The following GPC5 variants were observed in gnomAD, a reference collection of about 807,000 sequenced individuals.
GPC5 encodes the protein glypican 5.
GPC5 carries 47 observed loss-of-function variants against 53.9 expected under a neutral mutation model. The observed-to-expected ratio is 0.87, with a 90% confidence interval of 0.69 to 1.11. The LOEUF is 1.11. GPC5 is among the 50% of genes most tolerant of loss of function. The probability of loss-of-function intolerance (pLI) is 0.00; values close to 1 mark genes in which losing one functional copy is unlikely to be tolerated. For missense variants in GPC5, 748 were observed against 713.1 expected (o/e 1.05, Z -0.56); for synonymous variants, 286 against 263.3 (o/e 1.09, Z -0.84).
chr13:92,177,596 A>C (rs1027782197), intron 7 of GPC5, among the ~76,000 whole-genome samples: 11 of 152,206 alleles, frequency 7.2e-5, no homozygotes, highest in African/African-American at 2.7e-4. Flanking sequence ...AACCTAGATC[A>C]GATATGCACA....
intron 7 of GPC5, among the ~76,000 whole-genome samples, chr13:92,798,268 G>A (rs1056842607): frequency 5.9e-5 from 9 of 151,742 alleles, no homozygotes; most frequent in African/African-American, 1.7e-4. Flanking sequence ...GTTTGTTTAT[G>A]GATATTTGTT....
At chr13:92,653,354 C>T (rs1402955502) in intron 7 of GPC5, among the ~76,000 whole-genome samples, 2 of 152,112 alleles carry the variant, frequency 1.3e-5, no homozygotes, top group Non-Finnish European at 2.9e-5. Context: ...GGCAAACTGT[C>T]GCAGCCAAAG....
At chr13:92,288,722 C>T (rs9523595) in intron 7 of GPC5, among the ~76,000 whole-genome samples, 13,009 of 152,078 alleles carry the variant, frequency 0.086, 622 homozygotes, top group Middle Eastern at 0.12. Flanking sequence ...TTCTGTGATA[C>T]CATTCTGCCA....
chr13:91,970,163 G>C (rs1172206673), intron 6 of GPC5, among the ~76,000 whole-genome samples: 1 of 152,160 alleles, frequency 6.6e-6, no homozygotes, highest in African/African-American at 2.4e-5. Context: ...ACTGAAATAA[G>C]CCAGGCACAG....
intron 6 of GPC5, among the ~76,000 whole-genome samples, chr13:92,093,702 C>T (rs2041399118): frequency 6.6e-6 from 1 of 152,106 alleles, no homozygotes; most frequent in Non-Finnish European, 1.5e-5. Flanking sequence ...TCAGATGAAA[C>T]ACAAGTTTTT....
chr13:92,184,128 A>T (rs1319221518), intron 7 of GPC5, among the ~76,000 whole-genome samples: 1 of 151,872 alleles, frequency 6.6e-6, no homozygotes, highest in Non-Finnish European at 1.5e-5. Flanking sequence ...TTATACTGCA[A>T]ATTCATCTTT....
At chr13:92,835,420 A>G (rs1022044870) in intron 7 of GPC5, among the ~76,000 whole-genome samples, 16 of 151,998 alleles carry the variant, frequency 1.1e-4, no homozygotes, top group Non-Finnish European at 2.4e-4. Context: ...TTTGTTTTGT[A>G]AAAATGGAAA....
intron 7 of GPC5, among the ~76,000 whole-genome samples, chr13:92,663,413 C>G (rs561107681): frequency 6.6e-6 from 1 of 151,150 alleles, no homozygotes; most frequent in African/African-American, 2.4e-5. Context: ...CTCTGAGTGT[C>G]GTAAAAAGAG....
Position 92,407,947 on chromosome 13 carries a change from T to G in GPC5, c.1561+262958T>G, listed in dbSNP as rs1875864879. Reference sequence around the variant, plus strand: ...TTGGTCTATAAAGAGAAAGCCCAAATGTAATGTTCACTTGGAACCCATTAG... The same window carrying G: ...TTGGTCTATAAAGAGAAAGCCCAAAGGTAATGTTCACTTGGAACCCATTAG... On this transcript the variant is annotated intron_variant, in intron 7 of 7. Coordinates refer to ENST00000377067, the MANE Select transcript of GPC5 (RefSeq NM_004466.6). Among the ~76,000 whole-genome samples, 3 of 152,282 alleles carry G rather than the reference T, an allele frequency of 2.0e-5. No homozygotes were observed. In the South Asian group the frequency reaches 6.2e-4, roughly 32 times the overall value.
intron 2 of GPC5, among the ~76,000 whole-genome samples, chr13:91,472,415 C>G (rs1236631116): frequency 6.6e-6 from 1 of 152,096 alleles, no homozygotes; most frequent in East Asian, 1.9e-4. Flanking sequence ...CCTTAGTTTC[C>G]TCATCTGTAG....
intron 2 of GPC5, among the ~76,000 whole-genome samples, chr13:91,671,352 T>TGGTGTAAAGGAATG (rs1394637178): frequency 6.6e-6 from 1 of 152,204 alleles, no homozygotes; most frequent in African/African-American, 2.4e-5. Context: ...GAATGGGAGT[T>TGGTGTAAAGGAATG]CATTCATGAT....
At chr13:92,104,227 T>C (rs2041489724) in intron 6 of GPC5, among the ~76,000 whole-genome samples, 1 of 151,742 alleles carries the variant, frequency 6.6e-6, no homozygotes, top group African/African-American at 2.4e-5. Context: ...AAGCTGTGAG[T>C]TTTTACTGTG....
At chr13:92,469,890 A>G (rs1199899225) in intron 7 of GPC5, among the ~76,000 whole-genome samples, 22 of 152,098 alleles carry the variant, frequency 1.4e-4, no homozygotes, top group Admixed American at 1.4e-3. Context: ...TAAACTCACA[A>G]CTCATACTAA....
At chr13:92,114,734 G>C (rs1449735400) in intron 6 of GPC5, among the ~76,000 whole-genome samples, 2 of 152,116 alleles carry the variant, frequency 1.3e-5, no homozygotes, top group Admixed American at 6.6e-5. Context: ...TATAAAGATA[G>C]CCTTCCATAA....
chr13:92,715,185 A>T (rs1436839986), intron 7 of GPC5, among the ~76,000 whole-genome samples: 3 of 152,236 alleles, frequency 2.0e-5, no homozygotes, highest in African/African-American at 7.2e-5. Flanking sequence ...TTTTCAAAAC[A>T]GTTGAATAGA....
chr13:92,697,709 C>G (rs1887600418), intron 7 of GPC5, among the ~76,000 whole-genome samples: 1 of 152,136 alleles, frequency 6.6e-6, no homozygotes, highest in Non-Finnish European at 1.5e-5. Context: ...CCTGATTGCC[C>G]TGGCCAGAGC....
intron 7 of GPC5, among the ~76,000 whole-genome samples, chr13:92,392,753 T>G (rs1384603444): frequency 6.6e-6 from 1 of 152,130 alleles, no homozygotes; most frequent in Non-Finnish European, 1.5e-5. Context: ...GAACAGAGAC[T>G]GCTCAAAAGA....
At chr13:92,358,521 T>C (rs933130764) in intron 7 of GPC5, among the ~76,000 whole-genome samples, 2 of 151,190 alleles carry the variant, frequency 1.3e-5, no homozygotes, top group African/African-American at 4.9e-5. Context: ...CCCTGTGCAC[T>C]ACCCTGGTAA....
intron 7 of GPC5, among the ~76,000 whole-genome samples, chr13:92,805,218 T>G (rs552918056): frequency 6.6e-6 from 1 of 152,036 alleles, no homozygotes; most frequent in Non-Finnish European, 1.5e-5. Context: ...TATTTACTTT[T>G]CCAGATCCAT....
Sources: allele counts gnomAD v4.1 joint callset (sites outside exome capture counted in the v4.1 genomes callset), GRCh38; gene constraint gnomAD v4.1.1; transcripts MANE v1.5; gene names NCBI Gene and HGNC (gene_info 2026-07-23, HGNC 2026-07-21).